The following RIMS2 variants were observed in gnomAD, a reference collection of about 807,000 sequenced individuals.
The protein encoded by RIMS2 is regulating synaptic membrane exocytosis protein 2.
RIMS2 carries 59 observed loss-of-function variants against 174.4 expected under a neutral mutation model. The observed-to-expected ratio is 0.34, with a 90% CI of 0.27 to 0.42. The LOEUF (loss-of-function observed/expected upper bound fraction) is 0.42, where lower values mean the gene tolerates loss of function less well. RIMS2 is among the 10% of genes least tolerant of loss of function. RIMS2 has a pLI of 1.00. For synonymous variants in RIMS2, 606 were observed against 572.5 expected, an observed-to-expected ratio of 1.06 and a Z score of -0.84; for missense variants, 1,620 against 1,666.3, an observed-to-expected ratio of 0.97 and a Z score of 0.48.
chr8:103,789,460 A>G (rs183761832), intron 3 of RIMS2, among the ~76,000 whole-genome samples: 6 of 152,306 alleles, frequency 3.9e-5, no homozygotes, highest in Non-Finnish European at 7.4e-5. Context: ...TTTAAAGTCA[A>G]CCAAGGAGGG....
chr8:103,532,748 C>T (rs1285627854), intron 1 of RIMS2, among the ~76,000 whole-genome samples: 1 of 152,208 alleles, frequency 6.6e-6, no homozygotes, highest in East Asian at 1.9e-4. Context: ...ACAGTTACAA[C>T]TCAACAGCAT....
At chr8:103,964,407 T>C (rs1176991404) in intron 15 of RIMS2, among the ~76,000 whole-genome samples, 1 of 152,208 alleles carries the variant, frequency 6.6e-6, no homozygotes, top group Non-Finnish European at 1.5e-5. Context: ...ATTTCCCTGA[T>C]GACATATGAG....
intron 6 of RIMS2, among the ~76,000 whole-genome samples, chr8:103,913,938 A>G (rs2076202392): frequency 6.6e-6 from 1 of 152,148 alleles, no homozygotes; most frequent in Non-Finnish European, 1.5e-5. Context: ...CAAACATCCA[A>G]ACTATATCAG....
chr8:103,518,722 G>T (rs1053497745), intron 1 of RIMS2, among the ~76,000 whole-genome samples: 1 of 151,944 alleles, frequency 6.6e-6, no homozygotes, highest in African/African-American at 2.4e-5. Flanking sequence ...TAGTGATAGG[G>T]CCTGTTATGA....
chr8:104,226,106 T>G (rs1209036213), intron 19 of RIMS2, among the ~76,000 whole-genome samples: 1 of 152,194 alleles, frequency 6.6e-6, no homozygotes, highest in Non-Finnish European at 1.5e-5. Context: ...TATGTTACTA[T>G]TATCATAACT....
chr8:103,752,349 T>G (rs2097904285), intron 2 of RIMS2, among the ~76,000 whole-genome samples: 1 of 152,232 alleles, frequency 6.6e-6, no homozygotes, highest in Non-Finnish European at 1.5e-5. Context: ...TTTTGGTTAC[T>G]GTAGCCTTCT....
intron 1 of RIMS2, among the ~76,000 whole-genome samples, chr8:103,550,549 G>A (rs1012055963): frequency 6.6e-6 from 1 of 152,078 alleles, no homozygotes; most frequent in Admixed American, 6.6e-5. Flanking sequence ...AAAAGAACTA[G>A]AGAAGCAAGA....
At chr8:103,866,893 T>G (rs964948995) in intron 3 of RIMS2, among the ~76,000 whole-genome samples, 1 of 151,992 alleles carries the variant, frequency 6.6e-6, no homozygotes, top group African/African-American at 2.4e-5. Context: ...TTTCAGGTGT[T>G]TTAAAATATT....
At chr8:103,681,854 A>G (rs912096592) in intron 1 of RIMS2, among the ~76,000 whole-genome samples, 1 of 152,030 alleles carries the variant, frequency 6.6e-6, no homozygotes, top group Non-Finnish European at 1.5e-5. Flanking sequence ...TAACTAGGAG[A>G]CTATTCTCTA....
chr8:103,674,689 A>T (rs149121529), intron 1 of RIMS2, among the ~76,000 whole-genome samples: 59 of 152,146 alleles, frequency 3.9e-4, no homozygotes, highest in African/African-American at 1.3e-3. Flanking sequence ...ACACACATTA[A>T]CTATAATTTT....
intron 1 of RIMS2, among the ~76,000 whole-genome samples, chr8:103,613,128 G>C (rs745889378): frequency 6.6e-6 from 1 of 152,198 alleles, no homozygotes; most frequent in Non-Finnish European, 1.5e-5. Context: ...TTCCTTCAGG[G>C]TGGTGCATTT....
intron 1 of RIMS2, among the ~76,000 whole-genome samples, chr8:103,608,340 T>C: frequency 7.0e-6 from 1 of 143,556 alleles, no homozygotes. Flanking sequence ...GAGGAGGCAG[T>C]CTGCCCGTTC....
intron 3 of RIMS2, among the ~76,000 whole-genome samples, chr8:103,827,853 A>AG (rs2098801324): frequency 6.6e-6 from 1 of 152,102 alleles, no homozygotes; most frequent in Non-Finnish European, 1.5e-5. Context: ...AATAAAAAAA[A>AG]GAAGGTGCAA....
At chr8:103,735,621 C>G (rs2097675523) in intron 2 of RIMS2, among the ~76,000 whole-genome samples, 1 of 152,116 alleles carries the variant, frequency 6.6e-6, no homozygotes, top group African/African-American at 2.4e-5. Context: ...CTTTGGCAGC[C>G]ATTGCTGATG....
chr8:104,007,970 A>T (rs1597023969), intron 17 of RIMS2, among the ~76,000 whole-genome samples: 1 of 152,244 alleles, frequency 6.6e-6, no homozygotes, highest in East Asian at 1.9e-4. Flanking sequence ...TCCACGTAAA[A>T]ACAGCAAAAC....
chr8:103,993,657 T>C (rs1334796240), intron 17 of RIMS2, among the ~76,000 whole-genome samples: 1 of 152,184 alleles, frequency 6.6e-6, no homozygotes, highest in African/African-American at 2.4e-5. Context: ...TTTGCTGTAT[T>C]TCGGAAACAT....
intron 1 of RIMS2, among the ~76,000 whole-genome samples, chr8:103,584,730 T>C (rs2093811825): frequency 6.6e-6 from 1 of 151,840 alleles, no homozygotes; most frequent in South Asian, 2.1e-4. Flanking sequence ...ACACATACAA[T>C]GCATACACAA....
intron 1 of RIMS2, among the ~76,000 whole-genome samples, chr8:103,590,456 C>T (rs2094196803): frequency 6.6e-6 from 1 of 151,222 alleles, no homozygotes. Flanking sequence ...TGCTTTCTTC[C>T]TGTGAAACTC....
At chr8:103,518,436 T>C (rs1328322060) in intron 1 of RIMS2, among the ~76,000 whole-genome samples, 1 of 152,074 alleles carries the variant, frequency 6.6e-6, no homozygotes, top group East Asian at 1.9e-4. Context: ...TCAAAGCTCT[T>C]CTGGGCCACA....
Sources: allele counts gnomAD v4.1 joint callset (sites outside exome capture counted in the v4.1 genomes callset), GRCh38; gene constraint gnomAD v4.1.1; transcripts MANE v1.5; gene names NCBI Gene and HGNC (gene_info 2026-07-23, HGNC 2026-07-21).